SPIDR: variants seen among roughly 807,000 people sequenced by gnomAD.
SPIDR encodes the protein scaffold protein involved in DNA repair.
Under a neutral mutation model 104.6 loss-of-function variants are expected in SPIDR, and 93 were observed. The ratio of observed to expected loss-of-function variants is 0.89; its 90% CI spans 0.75 to 1.06. The LOEUF (loss-of-function observed/expected upper bound fraction) is 1.06. Among genes scored for constraint, SPIDR ranks in the 50% least tolerant of loss-of-function variants. SPIDR has a pLI of 0.00. For synonymous variants in SPIDR, 431 were observed against 416.9 expected (o/e 1.03, Z -0.41); for missense variants, 1,154 against 1,111.2 (o/e 1.04, Z -0.55).
chr8:47,345,738 G>GTTCACTCA (rs1437034279), intron 5 of SPIDR, among the ~76,000 whole-genome samples: 34 of 151,290 alleles, frequency 2.2e-4, no homozygotes, highest in Admixed American at 2.2e-3. Context: ...GTGAATGGGA[G>GTTCACTCA]TTCACTCATG....
chr8:47,368,464 A>G (rs2057543762), intron 5 of SPIDR, among the ~76,000 whole-genome samples: 1 of 149,468 alleles, frequency 6.7e-6, no homozygotes, highest in African/African-American at 2.4e-5. Context: ...GATTTCAGTA[A>G]TTAGAATTAA....
chr8:47,510,946 C>T, intron 8 of SPIDR: 1 of 620,464 alleles, frequency 1.6e-6, no homozygotes, highest in Non-Finnish European at 2.9e-6. Flanking sequence ...CTGGTGTGTA[C>T]AAGGGGGCAG....
Position 47,695,279 on chromosome 8 carries a change from C to A in SPIDR, c.1686-5124C>A, listed in dbSNP as rs145726818. 2.6e-5 allele frequency among the ~76,000 whole-genome samples: 4 copies of A among 152,120 alleles called. No individual in the cohort carries two copies. In the East Asian group the frequency reaches 7.7e-4, roughly 29 times the overall value. On this transcript the variant is annotated intron_variant, in intron 11 of 19. Transcript: ENST00000297423. ...GTATTCCACTATCCAAATGAACTCT[C>A]TTGGAGAGGTATGAGTCCTACAGCA...
intron 16 of SPIDR, among the ~76,000 whole-genome samples, chr8:47,720,398 C>T (rs534299142): frequency 2.6e-5 from 4 of 152,160 alleles, no homozygotes; most frequent in Non-Finnish European, 5.9e-5. Flanking sequence ...ACTGCTAAGC[C>T]GTCTTCCAAA....
At chr8:47,622,642 A>C (rs2065339227) in intron 10 of SPIDR, among the ~76,000 whole-genome samples, 1 of 152,192 alleles carries the variant, frequency 6.6e-6, no homozygotes, top group Non-Finnish European at 1.5e-5. Flanking sequence ...TCTGTACTAC[A>C]GATTAATGTC....
chr8:47,444,284 A>C (rs1585808150), intron 8 of SPIDR, among the ~76,000 whole-genome samples: 1 of 152,232 alleles, frequency 6.6e-6, no homozygotes, highest in Non-Finnish European at 1.5e-5. Flanking sequence ...GCCTGATTAC[A>C]TCCTGCCATG....
At chr8:47,354,494 T>A (rs1554624452) in intron 5 of SPIDR, among the ~76,000 whole-genome samples, 2 of 152,100 alleles carry the variant, frequency 1.3e-5, no homozygotes, top group African/African-American at 4.8e-5. Context: ...TTTTAAAAAA[T>A]TTGATTTCTG....
chr8:47,348,882 G>A (rs782165619), intron 5 of SPIDR, among the ~76,000 whole-genome samples: 24 of 152,010 alleles, frequency 1.6e-4, no homozygotes, highest in Non-Finnish European at 3.2e-4. Context: ...GCTTCCTTAC[G>A]ATGGGTTTAA....
intron 1 of SPIDR, among the ~76,000 whole-genome samples, chr8:47,262,479 T>C (rs1432853200): frequency 6.6e-6 from 1 of 152,110 alleles, no homozygotes; most frequent in African/African-American, 2.4e-5. Flanking sequence ...TAGTTCAGGA[T>C]CTCCCACAAG....
intron 8 of SPIDR, among the ~76,000 whole-genome samples, chr8:47,455,231 A>G (rs2072725099): frequency 6.6e-6 from 1 of 152,158 alleles, no homozygotes. Flanking sequence ...CAATCAGAAT[A>G]AAAAGGGAGG....
intron 8 of SPIDR, among the ~76,000 whole-genome samples, chr8:47,485,734 A>G (rs772759860): frequency 4.3e-4 from 65 of 152,236 alleles, no homozygotes; most frequent in Non-Finnish European, 6.8e-4. Context: ...GCTGATACCC[A>G]GGCAAACAGG....
intron 6 of SPIDR, among the ~76,000 whole-genome samples, chr8:47,397,249 G>A (rs568209263): frequency 6.6e-6 from 1 of 152,286 alleles, no homozygotes; most frequent in South Asian, 2.1e-4. Context: ...TGTAATCCCA[G>A]CACTTTGGGA....
At chr8:47,689,735 G>A (rs944320108) in intron 11 of SPIDR, among the ~76,000 whole-genome samples, 4 of 152,174 alleles carry the variant, frequency 2.6e-5, no homozygotes, top group Admixed American at 6.5e-5. Flanking sequence ...GCAACTCTCC[G>A]TGACTGGGGG....
intron 10 of SPIDR, among the ~76,000 whole-genome samples, chr8:47,621,159 G>T (rs2065110343): frequency 6.6e-6 from 1 of 151,960 alleles, no homozygotes; most frequent in Admixed American, 6.6e-5. Flanking sequence ...GTTTCACCAT[G>T]TTGGCCAGGA....
intron 5 of SPIDR, among the ~76,000 whole-genome samples, chr8:47,391,373 A>G (rs2060560363): frequency 6.6e-6 from 1 of 151,616 alleles, no homozygotes; most frequent in South Asian, 2.1e-4. Context: ...CCTTGTCTCT[A>G]CAAAAAAAAA....
At chr8:47,507,049 C>T (rs776177253) in intron 8 of SPIDR, among the ~76,000 whole-genome samples, 75 of 152,154 alleles carry the variant, frequency 4.9e-4, no homozygotes, top group Non-Finnish European at 1.5e-5. Context: ...TTATCATGTC[C>T]ACCTGGTTTT....
chr8:47,324,122 T>C (rs765643002), intron 5 of SPIDR, among the ~76,000 whole-genome samples: 5 of 152,158 alleles, frequency 3.3e-5, no homozygotes, highest in African/African-American at 4.8e-5. Context: ...TCTTATGAAA[T>C]TAAGTCTTTA....
chr8:47,642,059 T>C (rs192953324), intron 10 of SPIDR, among the ~76,000 whole-genome samples: 11 of 152,132 alleles, frequency 7.2e-5, no homozygotes, highest in East Asian at 1.9e-4. Flanking sequence ...AGGATTTGCA[T>C]TGAAGGCCTT....
intron 10 of SPIDR, among the ~76,000 whole-genome samples, chr8:47,632,070 G>A (rs911176588): frequency 6.6e-6 from 1 of 152,286 alleles, no homozygotes; most frequent in East Asian, 1.9e-4. Flanking sequence ...TAAATCCTCT[G>A]GAATGGACTA....
Sources: allele counts gnomAD v4.1 joint callset (sites outside exome capture counted in the v4.1 genomes callset), GRCh38; gene constraint gnomAD v4.1.1; transcripts MANE v1.5; gene names NCBI Gene and HGNC (gene_info 2026-07-23, HGNC 2026-07-21).